PDE3A: variants seen among roughly 807,000 people sequenced by gnomAD.
PDE3A encodes cGMP-inhibited 3',5'-cyclic phosphodiesterase 3A.
A neutral mutation model predicts 98.3 loss-of-function variants in PDE3A; 43 were observed. The ratio of observed to expected loss-of-function variants is 0.44; its 90% CI spans 0.34 to 0.56. The LOEUF is 0.56. PDE3A is among the 20% of genes least tolerant of loss of function. The pLI is 0.01. For missense variants in PDE3A, 1,427 were observed against 1,440.7 expected (o/e 0.99, Z 0.15); for synonymous variants, 663 against 567.9 (o/e 1.17, Z -2.38).
At position 20,386,037 on chromosome 12, in the gene PDE3A, A is replaced by ATAAAATATATATAAATATATT. The variant is rs1565532376; in HGVS notation, c.960+15813_960+15814insTTAAAATATATATAAATATAT. On this transcript the variant is annotated intron_variant, in intron 1 of 15. Coordinates refer to ENST00000359062, the MANE Select transcript of PDE3A (RefSeq NM_000921.5). ...ATATAAAATATATATATAAATATATATAAAATATATATAAATATATATAAA... is the reference window on the plus strand; with the variant it reads ...ATATAAAATATATATATAAATATATATAAAATATATATAAATATATTTAAAATATATATAAATATATATAAA... Among the ~76,000 whole-genome samples the ATAAAATATATATAAATATATT allele has an allele frequency of 3.1e-4, 28 of 90,514 alleles. 4 individuals carry two copies. The highest frequency in any genetic ancestry group is 1.3e-3 in the African/African-American group (28 of 22,054). The allele number at this position is 90,514 out of a possible 152,430, so 59.4% of individuals were successfully genotyped here. A position where few individuals can be genotyped will look rare whatever the true frequency, so the allele number is the denominator to read the frequency against.
At chr12:20,473,161 A>C (rs538869335) in intron 1 of PDE3A, among the ~76,000 whole-genome samples, 2 of 152,304 alleles carry the variant, frequency 1.3e-5, no homozygotes, top group Admixed American at 1.3e-4. Flanking sequence ...AATATTATGC[A>C]CATGAAAGAG....
At position 20,491,869 on chromosome 12, in the gene PDE3A, G is replaced by A. The variant is rs966358950; in HGVS notation, c.961-64791G>A. 7.2e-5 allele frequency among the ~76,000 whole-genome samples: 11 copies of A among 152,228 alleles called. No individual in the cohort carries two copies. In the East Asian group the frequency reaches 2.1e-3, roughly 29 times the overall value. ...AGTAAGTAGTGTCCAATGTTACTGC[G>A]TTTTTGTTTGAGAAATAATAAAATT... is the stretch of plus-strand genomic sequence containing the variant. On this transcript the variant is annotated intron_variant, in intron 1 of 15. Transcript: ENST00000359062.
intron 9 of PDE3A, among the ~76,000 whole-genome samples, chr12:20,637,853 A>G (rs1180075749): frequency 6.6e-6 from 1 of 152,188 alleles, no homozygotes; most frequent in Admixed American, 6.5e-5. Context: ...AGAAATTAAG[A>G]ATTTGAAAAT....
chr12:20,464,758 G>C (rs1016944645), intron 1 of PDE3A, among the ~76,000 whole-genome samples: 2 of 152,164 alleles, frequency 1.3e-5, no homozygotes, highest in African/African-American at 4.8e-5. Flanking sequence ...TGAATAAAAT[G>C]AGACACATGG....
At chr12:20,608,964 GAAC>G (rs1943780050) in intron 2 of PDE3A, among the ~76,000 whole-genome samples, 1 of 151,914 alleles carries the variant, frequency 6.6e-6, no homozygotes, top group African/African-American at 2.4e-5. Flanking sequence ...TAGTTTATTA[GAAC>G]AACATGGCTA....
intron 1 of PDE3A, among the ~76,000 whole-genome samples, chr12:20,420,044 A>T (rs1474968806): frequency 1.3e-5 from 2 of 152,170 alleles, no homozygotes; most frequent in East Asian, 3.9e-4. Flanking sequence ...AAACTGTGGC[A>T]TGGGATAGTT....
rs73238435 is a variant in PDE3A at position 20,659,161 on chromosome 12, A to T, written c.3184+4956A>T. Among the ~76,000 whole-genome samples the T allele has an allele frequency of 6.9e-3, 1,044 of 151,540 alleles. 5 individuals carry two copies. Among genetic ancestry groups the T allele is most frequent in the African/African-American group, 0.024 (1,008 of 41,272 alleles). ...TCATGAAGAAATTATGAATATCATA[A>T]TTTTTTTTTCCTTTTGACTCTGCCT... On this transcript the variant is annotated intron_variant, in intron 15 of 15. Coordinates refer to ENST00000359062, the MANE Select transcript of PDE3A (RefSeq NM_000921.5).
At chr12:20,578,398 C>T (rs1323114851) in intron 2 of PDE3A, among the ~76,000 whole-genome samples, 3 of 151,590 alleles carry the variant, frequency 2.0e-5, no homozygotes, top group Non-Finnish European at 4.4e-5. Flanking sequence ...TATTAATCAC[C>T]GTGGCAGAAG....
chr12:20,455,590 CTTGT>C (rs1945140087), intron 1 of PDE3A, among the ~76,000 whole-genome samples: 1 of 152,158 alleles, frequency 6.6e-6, no homozygotes, highest in African/African-American at 2.4e-5. Context: ...AGCAAGCCCT[CTTGT>C]TTGTTATGGA....
intron 1 of PDE3A, among the ~76,000 whole-genome samples, chr12:20,380,000 A>T (rs1943635236): frequency 6.6e-6 from 1 of 151,766 alleles, no homozygotes; most frequent in South Asian, 2.1e-4. Flanking sequence ...TAGAAAAATA[A>T]AATGTCAAGT....
At chr12:20,392,142 A>G (rs1246791943) in intron 1 of PDE3A, among the ~76,000 whole-genome samples, 1 of 152,054 alleles carries the variant, frequency 6.6e-6, no homozygotes, top group South Asian at 2.1e-4. Flanking sequence ...AGACCTTCAC[A>G]TGAGTTAATA....
intron 1 of PDE3A, among the ~76,000 whole-genome samples, chr12:20,397,893 A>G (rs1400387941): frequency 6.6e-6 from 1 of 152,182 alleles, no homozygotes; most frequent in East Asian, 1.9e-4. Context: ...GAATGAAAAT[A>G]AAAGGATTGT....
At chr12:20,443,509 A>C (rs1944903674) in intron 1 of PDE3A, among the ~76,000 whole-genome samples, 1 of 152,200 alleles carries the variant, frequency 6.6e-6, no homozygotes, top group South Asian at 2.1e-4. Flanking sequence ...GAAATCGAAA[A>C]TAAATATCTG....
intron 6 of PDE3A, among the ~76,000 whole-genome samples, chr12:20,630,357 G>A (rs1944352656): frequency 6.6e-6 from 1 of 152,156 alleles, no homozygotes; most frequent in South Asian, 2.1e-4. Context: ...AATCTTTAGA[G>A]AGGATACAAA....
intron 8 of PDE3A, among the ~76,000 whole-genome samples, chr12:20,635,863 TTC>T (rs1944501143): frequency 6.6e-6 from 1 of 152,178 alleles, no homozygotes; most frequent in South Asian, 2.1e-4. Context: ...AATATATTTT[TTC>T]TCTTTCCAAG....
chr12:20,617,125 A>G (rs1231569382), intron 4 of PDE3A, among the ~76,000 whole-genome samples: 1 of 152,178 alleles, frequency 6.6e-6, no homozygotes, highest in Non-Finnish European at 1.5e-5. Flanking sequence ...AAACACATGT[A>G]TAAGTTTTAT....
intron 13 of PDE3A, among the ~76,000 whole-genome samples, chr12:20,649,301 T>A (rs1944861950): frequency 6.6e-6 from 1 of 152,116 alleles, no homozygotes; most frequent in Non-Finnish European, 1.5e-5. Flanking sequence ...AACATGTTAC[T>A]ATGAACTCCC....
intron 2 of PDE3A, among the ~76,000 whole-genome samples, chr12:20,566,662 G>A (rs1267734675): frequency 1.3e-5 from 2 of 151,938 alleles, no homozygotes; most frequent in African/African-American, 2.4e-5. Flanking sequence ...AGTTCTCAAA[G>A]GACTGGGAGC....
intron 15 of PDE3A, among the ~76,000 whole-genome samples, chr12:20,656,092 T>C (rs1945037880): frequency 6.6e-6 from 1 of 152,192 alleles, no homozygotes. Flanking sequence ...ACCCTTGCAA[T>C]GATATTGCAC....
Sources: allele counts gnomAD v4.1 joint callset (sites outside exome capture counted in the v4.1 genomes callset), GRCh38; gene constraint gnomAD v4.1.1; transcripts MANE v1.5; gene names NCBI Gene and HGNC (gene_info 2026-07-23, HGNC 2026-07-21).